The following PCCA variants were observed in gnomAD, a reference collection of about 807,000 sequenced individuals.
PCCA encodes the protein propionyl-CoA carboxylase subunit alpha.
Under a neutral mutation model 101.3 loss-of-function variants are expected in PCCA, and 74 were observed. That is an observed-to-expected ratio of 0.73 (90% CI 0.61 to 0.89). The LOEUF is 0.89. Among genes scored for constraint, PCCA ranks in the 40% least tolerant of loss-of-function variants. PCCA has a pLI of 0.00. For synonymous variants in PCCA, 294 were observed against 313.6 expected (o/e 0.94, Z 0.66); for missense variants, 891 against 907.0 (o/e 0.98, Z 0.23).
intron 16 of PCCA, among the ~76,000 whole-genome samples, chr13:100,311,473 A>G (rs2066909307): frequency 6.6e-6 from 1 of 152,156 alleles, no homozygotes; most frequent in African/African-American, 2.4e-5. Context: ...ATAAAACCAT[A>G]TATTTAAGAA....
chr13:100,459,164 A>C (rs141304385), intron 21 of PCCA, among the ~76,000 whole-genome samples: 39 of 152,246 alleles, frequency 2.6e-4, no homozygotes, highest in African/African-American at 8.4e-4. Flanking sequence ...ATTCACATAA[A>C]TCCAGCACCA....
chr13:100,224,311 C>T (rs1758464354), intron 7 of PCCA, among the ~76,000 whole-genome samples: 1 of 152,226 alleles, frequency 6.6e-6, no homozygotes. Context: ...TCCCTCATTG[C>T]CCGGGGCCGG....
At chr13:100,133,888 G>A (rs768381842) in intron 4 of PCCA, among the ~76,000 whole-genome samples, 15 of 152,170 alleles carry the variant, frequency 9.9e-5, no homozygotes, top group Non-Finnish European at 1.8e-4. Context: ...TCTTTCTCTT[G>A]TGCTGCATGC....
chr13:100,472,468 G>A (rs1297133648), intron 21 of PCCA, among the ~76,000 whole-genome samples: 1 of 152,140 alleles, frequency 6.6e-6, no homozygotes, highest in African/African-American at 2.4e-5. Flanking sequence ...GAGTGCCGAC[G>A]AGGAGAGGTT....
chr13:100,237,574 C>T (rs1454692413), intron 8 of PCCA: 2 of 152,134 alleles, frequency 1.3e-5, no homozygotes, highest in Non-Finnish European at 2.9e-5. Context: ...TTCCTCATTG[C>T]CTAAGAGGCA....
intron 21 of PCCA, among the ~76,000 whole-genome samples, chr13:100,509,762 A>G (rs961029618): frequency 2.0e-5 from 3 of 152,204 alleles, no homozygotes; most frequent in Non-Finnish European, 2.9e-5. Context: ...ATGTTTCTAC[A>G]CAATTAGAGT....
At chr13:100,209,596 A>C in intron 7 of PCCA, 133 bp downstream of exon 7, 1 of 669,488 alleles carries the variant, frequency 1.5e-6, no homozygotes, top group South Asian at 1.7e-5. Flanking sequence ...ACATACATAC[A>C]TGTATATATG....
intron 1 of PCCA, among the ~76,000 whole-genome samples, chr13:100,097,509 C>T (rs953154870): frequency 3.9e-5 from 6 of 152,226 alleles, no homozygotes; most frequent in South Asian, 4.2e-4. Flanking sequence ...CACCTGAGGT[C>T]GGGAGTTCGA....
At chr13:100,099,152 G>C (rs753416375) in intron 1 of PCCA, among the ~76,000 whole-genome samples, 14 of 152,154 alleles carry the variant, frequency 9.2e-5, no homozygotes, top group Admixed American at 2.0e-4. Flanking sequence ...GAGTTATTTA[G>C]TATTATTCAT....
intron 1 of PCCA, among the ~76,000 whole-genome samples, 159 bp downstream of exon 1, chr13:100,089,384 C>T (rs1480964599): frequency 1.3e-5 from 2 of 152,270 alleles, no homozygotes; most frequent in African/African-American, 2.4e-5. Flanking sequence ...TCCCGGAGTT[C>T]GCGTGGCAGC....
rs1043657209 is a variant in PCCA, at chr13:100,235,978, T to C, written c.637+100T>C. 7 of 801,936 alleles carry C rather than the reference T, an allele frequency of 8.7e-6. No homozygotes were observed. In the African/African-American group the frequency reaches 1.0e-4, roughly 12 times the overall value. 49.7% of individuals were successfully genotyped at this position (801,936 alleles called of 1,614,324 possible). ...AATTCCCATAGAGCAAATAATACTT[T>C]AATAGTTTTAGATTTTGATTACTTG... On this transcript the variant is annotated intron_variant, in intron 8 of 23. Transcript: ENST00000376285.
intron 20 of PCCA, among the ~76,000 whole-genome samples, chr13:100,447,201 G>A (rs2080895367): frequency 6.6e-6 from 1 of 152,066 alleles, no homozygotes; most frequent in Admixed American, 6.6e-5. Flanking sequence ...TGGCCAACAT[G>A]GCAAAACCCC....
intron 12 of PCCA, among the ~76,000 whole-genome samples, chr13:100,299,444 C>A (rs2065884214): frequency 6.6e-6 from 1 of 152,172 alleles, no homozygotes; most frequent in African/African-American, 2.4e-5. Flanking sequence ...CTTTCATATA[C>A]ATTACTGTCA....
At chr13:100,430,492 CTG>C (rs2079472650) in intron 20 of PCCA, among the ~76,000 whole-genome samples, 1 of 152,166 alleles carries the variant, frequency 6.6e-6, no homozygotes, top group Admixed American at 6.5e-5. Flanking sequence ...CCCATCCTCT[CTG>C]TGTTCCTCCA....
At chr13:100,129,096 T>C (rs2050241681) in intron 4 of PCCA, among the ~76,000 whole-genome samples, 7 of 152,234 alleles carry the variant, frequency 4.6e-5, no homozygotes, top group Admixed American at 4.6e-4. Context: ...TTCTTGTATC[T>C]GAATCCTCCT....
chr13:100,460,579 A>G (rs60279792), intron 21 of PCCA, among the ~76,000 whole-genome samples: 15,819 of 152,268 alleles, frequency 0.1, 1,377 homozygotes, highest in African/African-American at 0.24. Context: ...CTTAAAGCTA[A>G]TTTAAATCTC....
At chr13:100,413,242 C>T (rs1023137005) in intron 19 of PCCA, among the ~76,000 whole-genome samples, 2 of 152,150 alleles carry the variant, frequency 1.3e-5, no homozygotes, top group Non-Finnish European at 2.9e-5. Context: ...CAAGAAACAG[C>T]ACATCACAGT....
intron 6 of PCCA, among the ~76,000 whole-genome samples, chr13:100,170,951 C>T (rs1015340896): frequency 2.0e-5 from 3 of 152,176 alleles, no homozygotes; most frequent in African/African-American, 7.2e-5. Context: ...TACCTGGGGA[C>T]TCTTGAGACC....
intron 19 of PCCA, among the ~76,000 whole-genome samples, chr13:100,423,934 C>T (rs778284092): frequency 2.9e-4 from 44 of 152,206 alleles, no homozygotes; most frequent in Admixed American, 5.2e-4. Context: ...CACTGAGTAA[C>T]ATCTCTCGCT....
Sources: allele counts gnomAD v4.1 joint callset (sites outside exome capture counted in the v4.1 genomes callset), GRCh38; gene constraint gnomAD v4.1.1; transcripts MANE v1.5; gene names NCBI Gene and HGNC (gene_info 2026-07-23, HGNC 2026-07-21).